KCNH8: variants seen among roughly 807,000 people sequenced by gnomAD.
KCNH8 encodes potassium voltage-gated channel subfamily H member 8, also known as voltage-gated delayed rectifier potassium channel KCNH8.
Under a neutral mutation model 103.6 loss-of-function variants are expected in KCNH8, and 70 were observed. The ratio of observed to expected loss-of-function variants is 0.68; its 90% CI spans 0.56 to 0.82. The LOEUF (loss-of-function observed/expected upper bound fraction) is 0.82. KCNH8 is among the 40% of genes least tolerant of loss of function. The pLI is 0.00. For missense variants in KCNH8, 1,217 were observed against 1,329.9 expected, an observed-to-expected ratio of 0.92 and a Z score of 1.32; for synonymous variants, 498 against 489.4, an observed-to-expected ratio of 1.02 and a Z score of -0.23.
In KCNH8 at chr3:19,443,125, G is replaced by A. The variant is rs145220033; in HGVS notation, c.1375+4764G>A. On this transcript the variant is annotated intron_variant, in intron 8 of 15. Transcript: ENST00000328405. ...TGTGTTACCATAGACTTAAGTCTAGGGTATCTCACTAGGAATCCCCCACAC... is the reference window on the plus strand; with the variant it reads ...TGTGTTACCATAGACTTAAGTCTAGAGTATCTCACTAGGAATCCCCCACAC... Among the ~76,000 whole-genome samples the A allele has an allele frequency of 2.0e-3, 300 of 151,536 alleles. 1 individual carries two copies. Among genetic ancestry groups the A allele is most frequent in the African/African-American group, 7.0e-3 (290 of 41,398 alleles).
At chr3:19,337,984 G>T (rs1455076885) in intron 3 of KCNH8, among the ~76,000 whole-genome samples, 1 of 138,488 alleles carries the variant, frequency 7.2e-6, no homozygotes. Context: ...ACACACACAC[G>T]CAGAGAGAGA....
intron 10 of KCNH8, 105 bp from the exon 11 acceptor site, chr3:19,456,663 T>C: frequency 1.4e-6 from 1 of 732,742 alleles, no homozygotes. Context: ...CATTCTTCTC[T>C]TTTCAGTGTA....
At chr3:19,287,567 C>G (rs1559460034) in intron 3 of KCNH8, among the ~76,000 whole-genome samples, 1 of 146,412 alleles carries the variant, frequency 6.8e-6, no homozygotes, top group Non-Finnish European at 1.5e-5. Flanking sequence ...CCCCACAGTC[C>G]ACTTTTTGTT....
At chr3:19,198,155 G>A (rs982586002) in intron 1 of KCNH8, among the ~76,000 whole-genome samples, 2 of 152,004 alleles carry the variant, frequency 1.3e-5, no homozygotes, top group African/African-American at 4.8e-5. Flanking sequence ...ATTCATAATG[G>A]ACAAATAACC....
intron 3 of KCNH8, among the ~76,000 whole-genome samples, chr3:19,289,730 C>T (rs549105895): frequency 3.2e-4 from 49 of 152,224 alleles, no homozygotes; most frequent in Non-Finnish European, 6.6e-4. Context: ...GCAACTCGGG[C>T]TCTTTTTTGG....
chr3:19,488,261 C>T (rs2068251260), intron 11 of KCNH8, among the ~76,000 whole-genome samples: 1 of 152,162 alleles, frequency 6.6e-6, no homozygotes, highest in Non-Finnish European at 1.5e-5. Flanking sequence ...GGTATTCTTC[C>T]CAGAACCCTC....
chr3:19,497,176 A>C (rs1559357280), intron 11 of KCNH8, among the ~76,000 whole-genome samples: 2 of 150,098 alleles, frequency 1.3e-5, no homozygotes, highest in South Asian at 4.2e-4. Context: ...GGTCTGTCGT[A>C]TTAATTTTTT....
At chr3:19,442,640 T>A (rs1376620905) in intron 8 of KCNH8, among the ~76,000 whole-genome samples, 1 of 152,150 alleles carries the variant, frequency 6.6e-6, no homozygotes, top group African/African-American at 2.4e-5. Context: ...CATTAAAAAA[T>A]TTAGGTGACC....
Position 19,158,230 on chromosome 3 carries a change from T to C in KCNH8, c.76+9435T>C, listed in dbSNP as rs901140066. 4.6e-5 allele frequency among the ~76,000 whole-genome samples: 7 copies of C among 151,742 alleles called. No homozygotes were observed. The East Asian group carries it at 5.8e-4, about 13-fold the overall frequency. On this transcript the variant is annotated intron_variant, in intron 1 of 15. Coordinates refer to ENST00000328405, the MANE Select transcript of KCNH8 (RefSeq NM_144633.3). ...ATGTTATTCAACAATTCATCTTCTT[T>C]ATGTTAGTTTGAAATGTCTAGTTTA...
chr3:19,319,009 A>G (rs1310888252), intron 3 of KCNH8, among the ~76,000 whole-genome samples: 2 of 150,250 alleles, frequency 1.3e-5, no homozygotes, highest in Non-Finnish European at 3.0e-5. Context: ...TTATTTGTTT[A>G]TTTATTTATT....
chr3:19,503,168 C>T (rs1308063312), intron 11 of KCNH8, among the ~76,000 whole-genome samples: 1 of 151,266 alleles, frequency 6.6e-6, no homozygotes, highest in African/African-American at 2.4e-5. Context: ...CCAAAAAACA[C>T]ATGAAAAAAT....
intron 2 of KCNH8, among the ~76,000 whole-genome samples, chr3:19,255,255 A>C (rs1209797148): frequency 2.0e-5 from 3 of 152,116 alleles, no homozygotes; most frequent in African/African-American, 7.2e-5. Flanking sequence ...GCTGTGATAA[A>C]ATAAATTTCT....
chr3:19,287,190 G>A (rs1438400974), intron 3 of KCNH8, among the ~76,000 whole-genome samples: 1 of 152,044 alleles, frequency 6.6e-6, no homozygotes, highest in Non-Finnish European at 1.5e-5. Context: ...GTAGGTCAAG[G>A]GTAGGACCCT....
intron 1 of KCNH8, among the ~76,000 whole-genome samples, chr3:19,163,928 A>G (rs1234729071): frequency 1.3e-5 from 2 of 152,204 alleles, no homozygotes; most frequent in Middle Eastern, 3.2e-3. Flanking sequence ...TATAGTACCT[A>G]TAACATACAA....
intron 15 of KCNH8, among the ~76,000 whole-genome samples, chr3:19,523,592 C>T (rs2069010246): frequency 6.6e-6 from 1 of 151,906 alleles, no homozygotes; most frequent in Non-Finnish European, 1.5e-5. Flanking sequence ...GGCTGTTTTC[C>T]ATTTGAAGCG....
At chr3:19,351,961 G>C (rs2065809131) in intron 5 of KCNH8, among the ~76,000 whole-genome samples, 1 of 152,068 alleles carries the variant, frequency 6.6e-6, no homozygotes, top group African/African-American at 2.4e-5. Context: ...AAAGAGTCAA[G>C]ACCCATCAGT....
intron 3 of KCNH8, among the ~76,000 whole-genome samples, chr3:19,297,473 A>G (rs2065011181): frequency 6.6e-6 from 1 of 152,214 alleles, no homozygotes; most frequent in African/African-American, 2.4e-5. Flanking sequence ...ATGCCACTAG[A>G]TGATGACTTC....
chr3:19,270,679 G>A (rs908104870), intron 2 of KCNH8, among the ~76,000 whole-genome samples: 2 of 152,056 alleles, frequency 1.3e-5, no homozygotes, highest in Non-Finnish European at 2.9e-5. Flanking sequence ...TGTGACTCAG[G>A]GCAATCTGGC....
intron 3 of KCNH8, among the ~76,000 whole-genome samples, chr3:19,314,117 A>G (rs1331665260): frequency 6.6e-6 from 1 of 151,976 alleles, no homozygotes; most frequent in African/African-American, 2.4e-5. Context: ...TCTCCTCCAA[A>G]AATTTGGTTC....
Sources: allele counts gnomAD v4.1 joint callset (sites outside exome capture counted in the v4.1 genomes callset), GRCh38; gene constraint gnomAD v4.1.1; transcripts MANE v1.5; gene names NCBI Gene and HGNC (gene_info 2026-07-23, HGNC 2026-07-21).